UNC5C: variants seen among roughly 807,000 people sequenced by gnomAD.
UNC5C encodes the protein netrin receptor UNC5C.
A neutral mutation model predicts 99.8 loss-of-function variants in UNC5C; 47 were observed. That is an observed-to-expected ratio of 0.47 (90% CI 0.37 to 0.60). The LOEUF is 0.60. UNC5C is among the 20% of genes least tolerant of loss of function. The probability of loss-of-function intolerance (pLI) is 0.00; values close to 1 mark genes in which losing one functional copy is unlikely to be tolerated. For synonymous variants in UNC5C, 487 were observed against 452.2 expected (o/e 1.08, Z -0.98); for missense variants, 1,062 against 1,165.9 (o/e 0.91, Z 1.30).
chr4:95,454,147 T>G (rs1052444261), intron 1 of UNC5C, among the ~76,000 whole-genome samples: 1 of 152,104 alleles, frequency 6.6e-6, no homozygotes, highest in Admixed American at 6.6e-5. Context: ...AAAATGGTTA[T>G]TATGTGTTAC....
intron 1 of UNC5C, among the ~76,000 whole-genome samples, chr4:95,544,822 C>T (rs1314185301): frequency 1.3e-5 from 2 of 152,164 alleles, no homozygotes; most frequent in African/African-American, 4.8e-5. Flanking sequence ...CAATCTCAAC[C>T]CCCACAATTT....
At chr4:95,342,283 G>A (rs1031286205) in intron 1 of UNC5C, among the ~76,000 whole-genome samples, 9 of 152,066 alleles carry the variant, frequency 5.9e-5, no homozygotes. Context: ...GGAGAGGGAA[G>A]AGTAAAGAAG....
At chr4:95,545,024 A>C (rs192531036) in intron 1 of UNC5C, among the ~76,000 whole-genome samples, 152 of 152,336 alleles carry the variant, frequency 1.0e-3, no homozygotes, top group Non-Finnish European at 1.0e-3. Flanking sequence ...AGTTATGTTT[A>C]AGTCTCAACA....
chr4:95,188,035 C>T (rs185724213), intron 12 of UNC5C, among the ~76,000 whole-genome samples: 3 of 152,222 alleles, frequency 2.0e-5, no homozygotes, highest in African/African-American at 4.8e-5. Flanking sequence ...TAATATATTG[C>T]ATTATAAAAT....
At chr4:95,339,806 T>C in intron 1 of UNC5C, among the ~76,000 whole-genome samples, 1 of 152,138 alleles carries the variant, frequency 6.6e-6, no homozygotes, top group East Asian at 1.9e-4. Flanking sequence ...TTTGTACATG[T>C]AGTTCATTCA....
intron 1 of UNC5C, among the ~76,000 whole-genome samples, chr4:95,507,781 C>G (rs548767876): frequency 1.1e-3 from 171 of 152,104 alleles, no homozygotes; most frequent in African/African-American, 4.0e-3. Context: ...ATCGTCTTCC[C>G]CTATGACTGT....
At chr4:95,301,348 A>C (rs866579988) in intron 3 of UNC5C, among the ~76,000 whole-genome samples, 1 of 152,022 alleles carries the variant, frequency 6.6e-6, no homozygotes, top group African/African-American at 2.4e-5. Flanking sequence ...GGCGCCTGCC[A>C]CCATGCCCGG....
intron 1 of UNC5C, among the ~76,000 whole-genome samples, chr4:95,418,695 A>G (rs1746237305): frequency 6.6e-6 from 1 of 152,212 alleles, no homozygotes; most frequent in African/African-American, 2.4e-5. Context: ...AATAGAAAAC[A>G]TGTTATCAAA....
At position 95,368,542 on chromosome 4, in the gene UNC5C, C is replaced by T. The variant is rs975750005; in HGVS notation, c.125-32911G>A. 1.4e-4 allele frequency among the ~76,000 whole-genome samples: 21 copies of T among 152,190 alleles called. No homozygotes were observed. The East Asian group carries it at 3.9e-3, about 28-fold the overall frequency. On this transcript the variant is annotated intron_variant, in intron 1 of 15. Transcript: ENST00000453304. ...TATTTATGATGCACTTCATTAAACC[C>T]TGTGACTTTTTCAAGAGGCCACCTG... is the stretch of plus-strand genomic sequence containing the variant.
At chr4:95,454,168 C>A (rs2149468519) in intron 1 of UNC5C, among the ~76,000 whole-genome samples, 1 of 152,144 alleles carries the variant, frequency 6.6e-6, no homozygotes, top group Middle Eastern at 3.4e-3. Flanking sequence ...GCGAATTTCA[C>A]CTCAATTAAA....
At chr4:95,179,959 T>TTTGA (rs1281553527) in intron 14 of UNC5C, among the ~76,000 whole-genome samples, 1 of 152,034 alleles carries the variant, frequency 6.6e-6, no homozygotes, top group Admixed American at 6.6e-5. Flanking sequence ...TTGTGTTTAT[T>TTTGA]TTGATTGATG....
Position 95,295,978 on chromosome 4 carries a change from T to TG in UNC5C, c.490+5627dup, listed in dbSNP as rs758720409. ...GTGCATGCCAGTAATCCCAGCTACA[T>TG]GGGGGGGAGGCTGAGGCAGGAAAAT... On this transcript the variant is annotated intron_variant, in intron 3 of 15. Coordinates refer to ENST00000453304, the MANE Select transcript of UNC5C (RefSeq NM_003728.4). Among the ~76,000 whole-genome samples the TG allele has an allele frequency of 3.3e-4, 50 of 152,004 alleles. 1 individual carries two copies. The highest frequency in any genetic ancestry group is 6.3e-4 in the Non-Finnish European group (43 of 67,940).
chr4:95,412,213 C>T (rs570115315), intron 1 of UNC5C, among the ~76,000 whole-genome samples: 7 of 152,166 alleles, frequency 4.6e-5, no homozygotes, highest in Admixed American at 1.3e-4. Flanking sequence ...TTTTAATGTT[C>T]GTACCTGTTT....
At chr4:95,478,215 T>C (rs1042434302) in intron 1 of UNC5C, among the ~76,000 whole-genome samples, 7 of 151,994 alleles carry the variant, frequency 4.6e-5, no homozygotes, top group African/African-American at 1.4e-4. Context: ...CCATTATGGA[T>C]AGCATCAGTT....
At chr4:95,422,025 A>T (rs370767969) in intron 1 of UNC5C, among the ~76,000 whole-genome samples, 1 of 152,230 alleles carries the variant, frequency 6.6e-6, no homozygotes. Context: ...AGCACATGTC[A>T]GATGTGCTGA....
chr4:95,482,916 G>A (rs1413416008), intron 1 of UNC5C, among the ~76,000 whole-genome samples: 6 of 136,740 alleles, frequency 4.4e-5, no homozygotes, highest in Non-Finnish European at 6.2e-5. Flanking sequence ...GCTAAATGAC[G>A]AGTTAATGGG....
chr4:95,479,775 G>A (rs58418863), intron 1 of UNC5C, among the ~76,000 whole-genome samples: 3,354 of 151,952 alleles, frequency 0.022, 133 homozygotes, highest in African/African-American at 0.075. Context: ...AACTTGACTG[G>A]ACCATGGAGT....
intron 1 of UNC5C, among the ~76,000 whole-genome samples, chr4:95,432,375 A>T (rs1746657749): frequency 6.6e-6 from 1 of 152,146 alleles, no homozygotes; most frequent in Admixed American, 6.6e-5. Flanking sequence ...TAAAAACCTA[A>T]GACATATTTT....
chr4:95,341,367 G>A (rs1743567600), intron 1 of UNC5C, among the ~76,000 whole-genome samples: 1 of 151,986 alleles, frequency 6.6e-6, no homozygotes, highest in Non-Finnish European at 1.5e-5. Context: ...AAATAAGAAA[G>A]TGGATTTGTA....
Sources: gnomAD v4.1 joint callset for allele counts (sites outside exome capture counted in the v4.1 genomes callset) on GRCh38, gnomAD v4.1.1 for gene constraint, MANE v1.5 for transcripts, NCBI Gene and HGNC (gene_info 2026-07-23, HGNC 2026-07-21) for gene names.